GLG1: variants seen among roughly 807,000 people sequenced by gnomAD.
GLG1 encodes the protein golgi glycoprotein 1.
A neutral mutation model predicts 160.5 loss-of-function variants in GLG1; 38 were observed. That is an observed-to-expected ratio of 0.24 (90% CI 0.18 to 0.31). The LOEUF is 0.31. Ranked by LOEUF, GLG1 falls within the 10% of genes least tolerant of loss-of-function variation. GLG1 has a pLI of 1.00. For synonymous variants in GLG1, 644 were observed against 543.4 expected (o/e 1.19, Z -2.57); for missense variants, 1,373 against 1,505.2 (o/e 0.91, Z 1.45).
rs80017740 is a variant in GLG1 at position 74,580,745 on chromosome 16, T to G, written c.438+25912A>C. Reference sequence around the variant, plus strand: ...CAACCTATGAAAAGGAAGAAAATATTTGCAGGTCATCTATCTGATGAGAGG... The same window carrying G: ...CAACCTATGAAAAGGAAGAAAATATGTGCAGGTCATCTATCTGATGAGAGG... On this transcript the variant is annotated intron_variant, in intron 1 of 25. Transcript: ENST00000422840. Among the ~76,000 whole-genome samples, 1,378 of 152,234 alleles carry G rather than the reference T, an allele frequency of 9.1e-3. 23 individuals are homozygous for G. Among genetic ancestry groups the G allele is most frequent in the African/African-American group, 0.031 (1,304 of 41,538 alleles).
At position 74,467,743 on chromosome 16, in the gene GLG1, A is replaced by G. The variant is rs2015050850; in HGVS notation, c.2529+13T>C. The G allele has an allele frequency of 6.4e-7, 1 of 1,550,954 alleles. No individual in the cohort carries two copies. Reference sequence around the variant, plus strand: ...ATTACTTTTACAATTACAAAAGAAAAGCAAAAAGTTACCTGAGCGTTGCCA... The same window carrying G: ...ATTACTTTTACAATTACAAAAGAAAGGCAAAAAGTTACCTGAGCGTTGCCA... On this transcript the variant is annotated intron_variant, in intron 18 of 25. Transcript: ENST00000422840.
chr16:74,519,089 T>C (rs1030523700), intron 2 of GLG1, among the ~76,000 whole-genome samples: 4 of 152,320 alleles, frequency 2.6e-5, no homozygotes, highest in African/African-American at 9.6e-5. Context: ...CCAACCCAAA[T>C]GTCCATCAAT....
At chr16:74,542,142 T>A (rs1201756471) in intron 1 of GLG1, among the ~76,000 whole-genome samples, 6 of 149,970 alleles carry the variant, frequency 4.0e-5, no homozygotes, top group African/African-American at 1.5e-4. Context: ...GAAAAGCACA[T>A]GAACCATCTG....
At chr16:74,562,720 C>A (rs12927351) in intron 1 of GLG1, among the ~76,000 whole-genome samples, 27,423 of 152,148 alleles carry the variant, frequency 0.18, 2,659 homozygotes, top group Middle Eastern at 0.24. Flanking sequence ...AGTGATTCGC[C>A]CACCTCGGCC....
intron 1 of GLG1, among the ~76,000 whole-genome samples, chr16:74,571,995 A>T (rs564335352): frequency 7.7e-4 from 118 of 152,280 alleles, no homozygotes; most frequent in African/African-American, 1.9e-3. Context: ...AGAAGAGATA[A>T]CTGTCTTTTG....
At chr16:74,517,635 A>T (rs906357950) in intron 2 of GLG1, among the ~76,000 whole-genome samples, 4 of 152,152 alleles carry the variant, frequency 2.6e-5, no homozygotes, top group African/African-American at 9.7e-5. Flanking sequence ...TTTGAAAACC[A>T]GCAAAAGACA....
chr16:74,572,850 AG>A lies in GLG1; in HGVS notation c.438+33806del, dbSNP rs2018874428. 3.3e-5 allele frequency among the ~76,000 whole-genome samples: 5 copies of A among 152,330 alleles called. 1 individual carries two copies. In the South Asian group the frequency reaches 1.0e-3, roughly 32 times the overall value. ...TTTATAGCAGGTTGGTCAGAAGCACAGGTCAAACCTGTGTTTGAAACTGGCA... is the reference window on the plus strand; with the variant it reads ...TTTATAGCAGGTTGGTCAGAAGCACAGTCAAACCTGTGTTTGAAACTGGCA... On this transcript the variant is annotated intron_variant, in intron 1 of 25. Transcript: ENST00000422840.
intron 14 of GLG1, 65 bp from the exon 15 acceptor site, chr16:74,471,351 G>A: frequency 2.2e-6 from 2 of 900,026 alleles, no homozygotes; most frequent in Non-Finnish European, 1.9e-6. Flanking sequence ...TTGTAGCCCA[G>A]TCCGAAACAA....
At chr16:74,461,640 T>C (rs567327234) in intron 22 of GLG1, 109 of 152,894 alleles carry the variant, frequency 7.1e-4, no homozygotes, top group Non-Finnish European at 1.3e-3. Context: ...CTGGCTAATT[T>C]TTTGTATTTT....
intron 1 of GLG1, among the ~76,000 whole-genome samples, chr16:74,588,404 T>C (rs1034807337): frequency 4.6e-5 from 7 of 152,034 alleles, no homozygotes; most frequent in African/African-American, 1.7e-4. Flanking sequence ...AATTTAAGCT[T>C]TTTGGATTTG....
At chr16:74,571,502 G>C (rs2018825932) in intron 1 of GLG1, among the ~76,000 whole-genome samples, 3 of 152,016 alleles carry the variant, frequency 2.0e-5, no homozygotes, top group South Asian at 2.1e-4. Flanking sequence ...CAGAGACCTT[G>C]TCTTTATAAA....
At chr16:74,506,287 C>T (rs1567489554) in intron 3 of GLG1, among the ~76,000 whole-genome samples, 1 of 151,430 alleles carries the variant, frequency 6.6e-6, no homozygotes, top group Non-Finnish European at 1.5e-5. Flanking sequence ...AGTTTTAAAA[C>T]ATCTCAAGAG....
intron 2 of GLG1, among the ~76,000 whole-genome samples, chr16:74,528,829 A>AAAAG (rs2017431572): frequency 6.6e-6 from 1 of 151,098 alleles, no homozygotes; most frequent in Non-Finnish European, 1.5e-5. Context: ...AAAAAAAAAA[A>AAAAG]AAAAAAATTG....
chr16:74,507,735 CA>C (rs1231052569), intron 3 of GLG1, among the ~76,000 whole-genome samples: 83 of 142,832 alleles, frequency 5.8e-4, no homozygotes, highest in Non-Finnish European at 5.8e-4. Context: ...GACTCCATCT[CA>C]AAAAAAAAAA....
chr16:74,573,409 C>T (rs1026991602), intron 1 of GLG1, among the ~76,000 whole-genome samples: 5 of 151,954 alleles, frequency 3.3e-5, no homozygotes, highest in South Asian at 2.1e-4. Flanking sequence ...TGCCAGTATC[C>T]ACTCTCAGAC....
intron 1 of GLG1, among the ~76,000 whole-genome samples, chr16:74,601,011 G>T (rs1425731447): frequency 6.6e-6 from 1 of 152,086 alleles, no homozygotes; most frequent in East Asian, 1.9e-4. Flanking sequence ...GATCAATAAT[G>T]ACTTGATTAT....
At chr16:74,588,969 T>C (rs893833985) in intron 1 of GLG1, among the ~76,000 whole-genome samples, 3 of 151,644 alleles carry the variant, frequency 2.0e-5, no homozygotes, top group Admixed American at 6.6e-5. Flanking sequence ...TGGCCGGGCA[T>C]GGTGGCTCAT....
chr16:74,455,749 A>T (rs999546196), intron 25 of GLG1, among the ~76,000 whole-genome samples: 1 of 152,188 alleles, frequency 6.6e-6, no homozygotes, highest in African/African-American at 2.4e-5. Context: ...AGTCAATACA[A>T]AAGCATGGCT....
chr16:74,540,852 C>T (rs1298738304), intron 1 of GLG1, among the ~76,000 whole-genome samples: 1 of 152,152 alleles, frequency 6.6e-6, no homozygotes, highest in African/African-American at 2.4e-5. Flanking sequence ...ACACAGCTAT[C>T]AAGAGATAAA....
Sources: allele counts gnomAD v4.1 joint callset (sites outside exome capture counted in the v4.1 genomes callset), GRCh38; gene constraint gnomAD v4.1.1; transcripts MANE v1.5; gene names NCBI Gene and HGNC (gene_info 2026-07-23, HGNC 2026-07-21).